Variants in AHI1 observed in about 807,000 individuals in gnomAD.
The protein encoded by AHI1 is jouberin.
AHI1 carries 123 observed loss-of-function variants against 149.3 expected under a neutral mutation model. That is an observed-to-expected ratio of 0.82 (90% confidence interval 0.71 to 0.96). AHI1 has a LOEUF of 0.96. Among genes scored for constraint, AHI1 ranks in the 40% least tolerant of loss-of-function variants. The pLI is 0.00. For missense variants in AHI1, 1,439 were observed against 1,422.7 expected, an observed-to-expected ratio of 1.01 and a Z score of -0.18; for synonymous variants, 475 against 459.8, an observed-to-expected ratio of 1.03 and a Z score of -0.42.
rs541390652 is a variant in AHI1, at chr6:135,472,018, C to CAAAAAAAAAAAAA, written c.136-4397_136-4385dup. Among the ~76,000 whole-genome samples the CAAAAAAAAAAAAA allele has an allele frequency of 1.7e-3, 92 of 54,418 alleles. 2 individuals carry two copies. The highest frequency in any genetic ancestry group is 2.0e-3 in the Non-Finnish European group (66 of 32,312). 35.7% of individuals were successfully genotyped at this position (54,418 alleles called of 152,430 possible). Reference sequence around the variant, plus strand: ...TGGGCGACAGAGCGAGACTCCGTCTCAAAAAAAAAAAAAAAAAAAAAAAAA... The same window carrying CAAAAAAAAAAAAA: ...TGGGCGACAGAGCGAGACTCCGTCTCAAAAAAAAAAAAAAAAAAAAAAAAAAAAAAAAAAAAAA... On this transcript the variant is annotated intron_variant, in intron 5 of 28. Coordinates refer to ENST00000265602, the MANE Select transcript of AHI1 (RefSeq NM_001134831.2).
intron 5 of AHI1, among the ~76,000 whole-genome samples, chr6:135,488,777 A>G (rs1794835858): frequency 6.6e-6 from 1 of 152,116 alleles, no homozygotes; most frequent in Non-Finnish European, 1.5e-5. Flanking sequence ...TTCTGTACAT[A>G]GGACTCCCTG....
chr6:135,463,383 A>G (rs1790235501), intron 7 of AHI1, 77 bp from the exon 8 acceptor site: 4 of 1,231,262 alleles, frequency 3.2e-6, no homozygotes, highest in Non-Finnish European at 4.4e-6. Flanking sequence ...AACAGAGTGA[A>G]CAGTAAATAG....
At chr6:135,350,029 T>G (rs1327064635) in intron 24 of AHI1, among the ~76,000 whole-genome samples, 1 of 152,236 alleles carries the variant, frequency 6.6e-6, no homozygotes, top group Non-Finnish European at 1.5e-5. Context: ...TACTTTTCAC[T>G]TTCACAGAAC....
At chr6:135,473,664 G>C (rs1792122324) in intron 5 of AHI1, among the ~76,000 whole-genome samples, 1 of 151,968 alleles carries the variant, frequency 6.6e-6, no homozygotes, top group Non-Finnish European at 1.5e-5. Context: ...TATTTACTTA[G>C]GTCTTTATAT....
intron 23 of AHI1, among the ~76,000 whole-genome samples, chr6:135,386,319 T>C (rs1274705729): frequency 6.6e-6 from 1 of 151,914 alleles, no homozygotes; most frequent in Non-Finnish European, 1.5e-5. Flanking sequence ...TGTTTTTTTT[T>C]TTCTTTTTTG....
At chr6:135,428,785 T>G (rs1196709950) in intron 18 of AHI1, 26 bp from the exon 19 acceptor site, 2 of 1,576,130 alleles carry the variant, frequency 1.3e-6, no homozygotes, top group Admixed American at 1.8e-5. Context: ...ATTTTACAAA[T>G]GTAACTGTCT....
At chr6:135,333,131 A>G (rs1788846993) in intron 24 of AHI1, among the ~76,000 whole-genome samples, 2 of 152,230 alleles carry the variant, frequency 1.3e-5, no homozygotes, top group Admixed American at 1.3e-4. Flanking sequence ...CCTTAGGATT[A>G]CTGGTACAAT....
At chr6:135,399,046 T>G (rs984095183) in intron 22 of AHI1, among the ~76,000 whole-genome samples, 8 of 152,002 alleles carry the variant, frequency 5.3e-5, no homozygotes, top group Non-Finnish European at 1.2e-4. Context: ...TAGCTGGGCG[T>G]GGCAGTGCAC....
At chr6:135,392,070 T>C (rs1021878864) in intron 23 of AHI1, among the ~76,000 whole-genome samples, 2 of 152,198 alleles carry the variant, frequency 1.3e-5, no homozygotes, top group Non-Finnish European at 2.9e-5. Flanking sequence ...AGCTCTCCTA[T>C]TCCTCTTTAT....
chr6:135,453,943 C>T (rs1164748625), intron 10 of AHI1, among the ~76,000 whole-genome samples: 1 of 152,036 alleles, frequency 6.6e-6, no homozygotes, highest in Non-Finnish European at 1.5e-5. Flanking sequence ...GATTTGCAAC[C>T]AACCTGCCAC....
At chr6:135,285,714 C>G (rs996603518) in intron 28 of AHI1, 67 bp from the exon 29 acceptor site, 33 of 1,354,382 alleles carry the variant, frequency 2.4e-5, no homozygotes, top group Non-Finnish European at 3.1e-5. Flanking sequence ...ACAACCAAAT[C>G]TTAGTGTGCT....
intron 3 of AHI1, among the ~76,000 whole-genome samples, chr6:135,493,914 G>A (rs1795610908): frequency 1.3e-5 from 2 of 152,160 alleles, no homozygotes; most frequent in African/African-American, 4.8e-5. Context: ...GTGGTGGTGG[G>A]TGCCTGTAAT....
chr6:135,495,943 A>G (rs1334695232), intron 2 of AHI1, 45 bp from the exon 3 acceptor site: 2 of 152,246 alleles, frequency 1.3e-5, no homozygotes, highest in Admixed American at 1.3e-4. Flanking sequence ...TAATCAGTAC[A>G]TTGCAATAAA....
chr6:135,372,873 T>C (rs948881979), intron 23 of AHI1, among the ~76,000 whole-genome samples: 6 of 152,220 alleles, frequency 3.9e-5, no homozygotes, highest in African/African-American at 1.2e-4. Context: ...TGTGTTTGTT[T>C]AGCCCCTGTG....
At chr6:135,316,435 CCA>C (rs796803926) in intron 26 of AHI1, among the ~76,000 whole-genome samples, 86 of 152,162 alleles carry the variant, frequency 5.7e-4, no homozygotes, top group African/African-American at 2.0e-3. Flanking sequence ...TTAATCCTTG[CCA>C]CTCTATTGAT....
At chr6:135,488,903 C>G (rs569004527) in intron 5 of AHI1, among the ~76,000 whole-genome samples, 6 of 152,096 alleles carry the variant, frequency 3.9e-5, no homozygotes, top group African/African-American at 1.4e-4. Context: ...CCTGGTTCTA[C>G]CATTTACTAT....
In AHI1 at chr6:135,428,719, C is replaced by T; in HGVS notation, c.2533G>A (p.Glu845Lys). 6.2e-7 allele frequency: 1 copy of T among 1,607,146 alleles called. No individual in the cohort carries two copies. The highest frequency in any genetic ancestry group is 8.5e-7 in the Non-Finnish European group (1 of 1,176,014). ...GGAGTCAAAGTACTATGAATCTTCT[C>T]CCGATAATTTGCTGCTCCTACAAAC... ...RKFVGAANYR[E>K]KIHSTLTPCG... Residue 845 changes from glutamate (E) to lysine (K), a missense_variant, in exon 19 of 29, where the codon GAG (glutamate) becomes AAG (lysine). Transcript: ENST00000265602.
intron 8 of AHI1, among the ~76,000 whole-genome samples, chr6:135,462,651 A>C (rs1790092070): frequency 6.6e-6 from 1 of 152,206 alleles, no homozygotes; most frequent in Admixed American, 6.5e-5. Flanking sequence ...CTGTAACCCC[A>C]GCATTTTGGG....
intron 23 of AHI1, among the ~76,000 whole-genome samples, chr6:135,376,026 T>C (rs145293904): frequency 2.1e-3 from 296 of 140,080 alleles, no homozygotes; most frequent in African/African-American, 7.7e-3. Context: ...CAAAAAATGT[T>C]AGAAAAGTAG....
Sources: allele counts gnomAD v4.1 joint callset (sites outside exome capture counted in the v4.1 genomes callset), GRCh38; gene constraint gnomAD v4.1.1; transcripts MANE v1.5; gene names NCBI Gene and HGNC (gene_info 2026-07-23, HGNC 2026-07-21).